Variants in ROBO1 observed in about 807,000 individuals in gnomAD.
ROBO1 encodes the protein roundabout homolog 1.
ROBO1 carries 149 observed loss-of-function variants against 195.9 expected under a neutral mutation model. The ratio of observed to expected loss-of-function variants is 0.76; its 90% confidence interval spans 0.67 to 0.87. The LOEUF is 0.87. ROBO1 is among the 40% of genes least tolerant of loss of function. The pLI, the probability that ROBO1 is intolerant of heterozygous loss-of-function variation, is 0.00. For synonymous variants in ROBO1, 816 were observed against 733.2 expected (o/e 1.11, Z -1.82); for missense variants, 1,933 against 2,068.3 (o/e 0.93, Z 1.27).
chr3:79,171,413 CAAAAA>C (rs34894151), intron 2 of ROBO1, among the ~76,000 whole-genome samples: 2 of 65,850 alleles, frequency 3.0e-5, no homozygotes, highest in Non-Finnish European at 6.6e-5. Flanking sequence ...ATGAAAATTG[CAAAAA>C]AAAAAAAAAA....
chr3:78,968,407 G>C (rs2076693599), intron 3 of ROBO1, among the ~76,000 whole-genome samples: 1 of 151,360 alleles, frequency 6.6e-6, no homozygotes, highest in Non-Finnish European at 1.5e-5. Flanking sequence ...TGGGATTATA[G>C]GTGTGCGCCA....
At chr3:78,877,045 C>A (rs901555475) in intron 4 of ROBO1, among the ~76,000 whole-genome samples, 4 of 152,050 alleles carry the variant, frequency 2.6e-5, no homozygotes, top group African/African-American at 7.2e-5. Flanking sequence ...AGTATTATCG[C>A]TGCTAGATCC....
At chr3:78,860,326 A>ATATATATATATATATATATATATATATAT (rs376853384) in intron 4 of ROBO1, among the ~76,000 whole-genome samples, 1 of 93,506 alleles carries the variant, frequency 1.1e-5, no homozygotes, top group African/African-American at 4.5e-5. Context: ...ATATATATAT[A>ATATATATATATATATATATATATATATAT]TTTTTTTTTT....
At chr3:79,747,918 G>A (rs986731291) in intron 1 of ROBO1, among the ~76,000 whole-genome samples, 5 of 152,052 alleles carry the variant, frequency 3.3e-5, no homozygotes, top group East Asian at 1.9e-4. Flanking sequence ...ATTTGAAATT[G>A]TTGGTATGAC....
At chr3:79,417,783 A>G (rs1003768527) in intron 2 of ROBO1, among the ~76,000 whole-genome samples, 1 of 152,108 alleles carries the variant, frequency 6.6e-6, no homozygotes, top group Non-Finnish European at 1.5e-5. Flanking sequence ...AATCAATCCT[A>G]TAGATTAGTT....
At chr3:79,718,151 A>G (rs1702561427) in intron 1 of ROBO1, among the ~76,000 whole-genome samples, 2 of 152,046 alleles carry the variant, frequency 1.3e-5, no homozygotes, top group African/African-American at 4.8e-5. Flanking sequence ...ACATTATTTT[A>G]TTACTAGTCC....
At chr3:79,452,667 T>A (rs74766859) in intron 2 of ROBO1, among the ~76,000 whole-genome samples, 3,365 of 152,238 alleles carry the variant, frequency 0.022, 146 homozygotes, top group African/African-American at 0.076. Flanking sequence ...ATTTCTAAAA[T>A]TGGTATATTA....
intron 2 of ROBO1, among the ~76,000 whole-genome samples, chr3:79,229,649 T>C (rs1264727187): frequency 6.6e-6 from 1 of 152,070 alleles, no homozygotes; most frequent in Non-Finnish European, 1.5e-5. Flanking sequence ...GGTCTCACTT[T>C]ATTGCCCAGG....
intron 10 of ROBO1, among the ~76,000 whole-genome samples, chr3:78,673,601 TATATAC>T (rs1432380601): frequency 0.027 from 1,613 of 60,360 alleles, 55 homozygotes; most frequent in African/African-American, 0.085. Flanking sequence ...TATATATATA[TATATAC>T]ACACATATAT....
At chr3:79,677,129 T>C (rs1233469706) in intron 1 of ROBO1, among the ~76,000 whole-genome samples, 1 of 151,996 alleles carries the variant, frequency 6.6e-6, no homozygotes, top group African/African-American at 2.4e-5. Context: ...GTGACAAAGA[T>C]TTGTGACTTG....
chr3:79,574,771 A>C (rs1264826007), intron 2 of ROBO1, among the ~76,000 whole-genome samples: 1 of 151,826 alleles, frequency 6.6e-6, no homozygotes, highest in Non-Finnish European at 1.5e-5. Context: ...ATCCCTTAAT[A>C]AACTATAGTT....
intron 4 of ROBO1, among the ~76,000 whole-genome samples, chr3:78,783,507 C>T (rs561536613): frequency 3.7e-4 from 56 of 152,160 alleles, no homozygotes; most frequent in African/African-American, 1.3e-3. Flanking sequence ...ATTATTATCA[C>T]AATAGTGATG....
intron 4 of ROBO1, among the ~76,000 whole-genome samples, chr3:78,773,309 C>A (rs2083424635): frequency 6.6e-6 from 1 of 151,896 alleles, no homozygotes; most frequent in Admixed American, 6.6e-5. Flanking sequence ...AAAATCAGTA[C>A]CCATTAAATC....
Position 78,685,804 on chromosome 3 carries a change from G to A in ROBO1, c.1284C>T (p.Cys428=), listed in dbSNP as rs1298413168. Residue 428 remains cysteine (C), a synonymous_variant, in exon 10 of 31, where the codon TGC becomes TGT. Coordinates refer to ENST00000464233, the MANE Select transcript of ROBO1 (RefSeq NM_002941.4). ...TGCTTCCAGCAACATTTAAAGTCTG[G>A]CAGATGTAATAACCAACATCAGATC... ...VQRSDVGYYI[C]QTLNVAGSII... is the part of the protein sequence containing the mutation. The A allele has an allele frequency of 4.3e-6, 7 of 1,612,006 alleles. No homozygotes were observed. The South Asian group carries it at 4.4e-5, about 10-fold the overall frequency.
chr3:78,781,690 T>A (rs1840969), intron 4 of ROBO1, among the ~76,000 whole-genome samples: 84,462 of 151,888 alleles, frequency 0.56, 23,655 homozygotes, highest in East Asian at 0.73. Flanking sequence ...CAACTCTTCT[T>A]GATTCATACT....
chr3:79,386,536 C>T (rs1015513934), intron 2 of ROBO1, among the ~76,000 whole-genome samples: 1 of 152,002 alleles, frequency 6.6e-6, no homozygotes, highest in Non-Finnish European at 1.5e-5. Context: ...AAATGCAAGA[C>T]AATGAAAGAT....
intron 4 of ROBO1, among the ~76,000 whole-genome samples, chr3:78,917,827 A>C (rs891837244): frequency 1.3e-5 from 2 of 152,240 alleles, no homozygotes; most frequent in Non-Finnish European, 2.9e-5. Context: ...CCTGAAAAAG[A>C]AAGCAAGGAA....
intron 1 of ROBO1, among the ~76,000 whole-genome samples, chr3:79,605,766 G>T (rs150077900): frequency 6.6e-6 from 1 of 151,668 alleles, no homozygotes; most frequent in East Asian, 1.9e-4. Flanking sequence ...ATTTCCTTCT[G>T]TCTTCAACAT....
chr3:79,752,336 A>C (rs956056727), intron 1 of ROBO1, among the ~76,000 whole-genome samples: 3 of 152,192 alleles, frequency 2.0e-5, no homozygotes, highest in East Asian at 3.8e-4. Flanking sequence ...ATTTTTTAAT[A>C]AAACCTATGT....
Sources: allele counts gnomAD v4.1 joint callset (sites outside exome capture counted in the v4.1 genomes callset), GRCh38; gene constraint gnomAD v4.1.1; transcripts MANE v1.5; gene names NCBI Gene and HGNC (gene_info 2026-07-23, HGNC 2026-07-21).